The following BRSK2 variants were observed in gnomAD, a reference collection of about 807,000 sequenced individuals.
The protein encoded by BRSK2 is serine/threonine-protein kinase BRSK2.
In BRSK2, 19 loss-of-function variants were observed where a neutral mutation model predicts 83.3. The observed-to-expected ratio is 0.23, with a 90% confidence interval of 0.16 to 0.33. BRSK2 has a LOEUF of 0.33. BRSK2 is among the 10% of genes least tolerant of loss of function. The pLI is 1.00. For missense variants in BRSK2, 798 were observed against 1,042.3 expected, an observed-to-expected ratio of 0.77 and a Z score of 3.23; for synonymous variants, 519 against 435.4, an observed-to-expected ratio of 1.19 and a Z score of -2.39.
intron 12 of BRSK2, among the ~76,000 whole-genome samples, chr11:1,448,158 C>T (rs1852425007): frequency 6.6e-6 from 1 of 152,188 alleles, no homozygotes. Context: ...CTGCCAGCCC[C>T]TGTGCTGTGT....
intron 1 of BRSK2, among the ~76,000 whole-genome samples, chr11:1,397,154 G>A (rs1319594741): frequency 1.3e-5 from 2 of 152,198 alleles, no homozygotes; most frequent in Non-Finnish European, 2.9e-5. Flanking sequence ...CCTGTGTCAG[G>A]CCCAAGCCCC....
chr11:1,454,581 G>A lies in BRSK2; in HGVS notation c.1641G>A (p.Lys547=). 6.2e-7 allele frequency: 1 copy of A among 1,613,218 alleles called. No individual in the cohort carries two copies. The highest frequency in any genetic ancestry group is 8.5e-7 in the Non-Finnish European group (1 of 1,179,954). ...AAGACAAACCTCTGAGCTCCATCAAGGCTGACATCGTGCACGCCTTCCTGT... is the reference window on the plus strand; with the variant it reads ...AAGACAAACCTCTGAGCTCCATCAAAGCTGACATCGTGCACGCCTTCCTGT... ...VIKDKPLSSI[K]ADIVHAFLSI... The change falls in exon 16 of 20, where the codon AAG becomes AAA. Residue 547 remains lysine (K), a synonymous_variant. Coordinates refer to ENST00000528841, the MANE Select transcript of BRSK2 (RefSeq NM_001256627.2). The surrounding 1 kb of genome is among the most constrained non-coding windows in gnomAD (Gnocchi z 5.2).
At chr11:1,398,252 C>T (rs935458203) in intron 1 of BRSK2, among the ~76,000 whole-genome samples, 3 of 152,208 alleles carry the variant, frequency 2.0e-5, no homozygotes, top group African/African-American at 7.2e-5. Flanking sequence ...CAGCTAGCAT[C>T]GGGCCTCGTG....
At chr11:1,418,146 C>T (rs1349246377) in intron 1 of BRSK2, among the ~76,000 whole-genome samples, 2 of 134,426 alleles carry the variant, frequency 1.5e-5, no homozygotes, top group African/African-American at 5.7e-5. Context: ...GTGGGTCACA[C>T]TGTGTCCTGC....
chr11:1,416,753 C>T (rs756596517), intron 1 of BRSK2, among the ~76,000 whole-genome samples: 53 of 152,248 alleles, frequency 3.5e-4, no homozygotes, highest in Admixed American at 1.5e-3. Context: ...CAGTGACCCA[C>T]CTTGGTGTGT....
chr11:1,447,999 A>AGCCAGGCAAGGGCCCGCGG (rs1316436483), intron 12 of BRSK2: 2 of 909,290 alleles, frequency 2.2e-6, no homozygotes, highest in African/African-American at 1.7e-5. Context: ...CCAGCCAGCA[A>AGCCAGGCAAGGGCCCGCGG]GCCAGGCAAG....
chr11:1,460,738 C>CA lies in BRSK2; in HGVS notation c.*15_*16insA. 5 of 1,408,146 alleles carry CA rather than the reference C, an allele frequency of 3.6e-6. No individual in the cohort carries two copies. The highest frequency in any genetic ancestry group is 1.5e-5 in the African/African-American group (1 of 66,862). The allele number at this position is 1,408,146 out of a possible 1,614,324, so 87.2% of individuals were successfully genotyped here. On this transcript the variant is annotated 3_prime_UTR_variant, in exon 20 of 20. Coordinates refer to ENST00000528841, the MANE Select transcript of BRSK2 (RefSeq NM_001256627.2). The stretch of plus-strand genomic sequence containing the variant: ...AGCAGCCTTAGACACACTAGCCCCC[C>CA]CCCCCAGCACAGCACTGACAGCGGC...
chr11:1,397,018 A>C (rs949582284), intron 1 of BRSK2, among the ~76,000 whole-genome samples: 1 of 152,242 alleles, frequency 6.6e-6, no homozygotes, highest in African/African-American at 2.4e-5. Flanking sequence ...GCAGACCAGC[A>C]TCTGTCAGGC....
chr11:1,436,616 T>G (rs1259637965), intron 2 of BRSK2, among the ~76,000 whole-genome samples: 1 of 152,048 alleles, frequency 6.6e-6, no homozygotes, highest in Non-Finnish European at 1.5e-5. Context: ...GTGGAGGGTT[T>G]CTGGGCTGTG....
chr11:1,402,489 C>A (rs1846546891), intron 1 of BRSK2, among the ~76,000 whole-genome samples: 2 of 152,206 alleles, frequency 1.3e-5, no homozygotes, highest in African/African-American at 4.8e-5. Flanking sequence ...AGGAGCATTG[C>A]AAAGGGTGGG....
intron 2 of BRSK2, 27 bp downstream of exon 2, chr11:1,436,161 G>A (rs1177401400): frequency 4.3e-6 from 2 of 463,052 alleles, no homozygotes; most frequent in Admixed American, 8.0e-5. Context: ...AGGGAGGCGG[G>A]GCCGGCGGTG....
intron 1 of BRSK2, among the ~76,000 whole-genome samples, chr11:1,415,502 G>A (rs939200382): frequency 2.0e-5 from 3 of 152,158 alleles, no homozygotes; most frequent in African/African-American, 7.2e-5. Flanking sequence ...CTGCAGCCTT[G>A]GCCTCCCAAC....
intron 14 of BRSK2, among the ~76,000 whole-genome samples, 183 bp from the exon 15 acceptor site, chr11:1,451,188 G>A (rs1189229578): frequency 6.6e-6 from 1 of 152,182 alleles, no homozygotes; most frequent in East Asian, 1.9e-4. Context: ...TAGCCTGGGG[G>A]GCGCCACTGC....
chr11:1,399,540 T>C (rs1846337157), intron 1 of BRSK2, among the ~76,000 whole-genome samples: 1 of 152,048 alleles, frequency 6.6e-6, no homozygotes, highest in African/African-American at 2.4e-5. Context: ...GTGATAGGGA[T>C]TGTGGCAAGG....
Position 1,440,875 on chromosome 11 carries a change from G to C in BRSK2, c.360G>C (p.Lys120Asn). ...KGRLTPKEAR[K>N]FFRQIISALD... ...GGCTGACGCCTAAGGAGGCTCGGAA[G>C]TTCTTCCGGCAGATCATCTCTGCGC... Residue 120 changes from lysine to asparagine, a missense_variant, in exon 4 of 20, where the codon AAG (lysine) becomes AAC (asparagine). By Grantham distance (94) the Lys-to-Asn change is moderately conservative. This residue lies in a region of BRSK2 where 109 missense variants were observed against 259.2 expected (regional missense o/e 0.42). Coordinates refer to ENST00000528841, the MANE Select transcript of BRSK2 (RefSeq NM_001256627.2). 6.2e-7 allele frequency: 1 copy of C among 1,609,392 alleles called. No individual in the cohort carries two copies. Among genetic ancestry groups the C allele is most frequent in the Non-Finnish European group, 8.5e-7 (1 of 1,178,420 alleles).
In BRSK2 at chr11:1,411,212, C is replaced by T. The variant is rs1590359785; in HGVS notation, c.91+20837C>T. ...TGAGCCAGCCTTGCTGAGGGGAGAG[C>T]GGGTTCTGGACGTGCTCTGAGCTTC... On this transcript the variant is annotated intron_variant, in intron 1 of 19. Transcript: ENST00000528841. The T allele has an allele frequency of 4.0e-6, 5 of 1,244,774 alleles. No individual in the cohort carries two copies. In the East Asian group the frequency reaches 9.5e-5, roughly 24 times the overall value. 77.1% of individuals were successfully genotyped at this position (1,244,774 alleles called of 1,614,324 possible).
At chr11:1,444,070 A>G (rs1851700295) in intron 8 of BRSK2, among the ~76,000 whole-genome samples, 1 of 151,580 alleles carries the variant, frequency 6.6e-6, no homozygotes, top group Admixed American at 6.6e-5. Flanking sequence ...GAGCACTTGT[A>G]CCAGTGTGGG....
chr11:1,412,917 G>A (rs576569444), intron 1 of BRSK2, among the ~76,000 whole-genome samples: 298 of 152,276 alleles, frequency 2.0e-3, no homozygotes, highest in Non-Finnish European at 2.5e-3. Flanking sequence ...CATGGGACGG[G>A]ACCGCCCATG....
intron 1 of BRSK2, among the ~76,000 whole-genome samples, chr11:1,435,059 C>T (rs946520765): frequency 1.3e-5 from 2 of 151,484 alleles, no homozygotes; most frequent in East Asian, 2.0e-4. Flanking sequence ...CCCAGAGCAC[C>T]CTGCCTGCCT....
Sources: gnomAD v4.1 joint callset for allele counts (sites outside exome capture counted in the v4.1 genomes callset) on GRCh38, gnomAD v4.1.1 for gene constraint, gnomAD v4.1.1 regional missense constraint, Gnocchi (gnomAD v3.1) non-coding constraint, MANE v1.5 for transcripts, NCBI Gene and HGNC (gene_info 2026-07-23, HGNC 2026-07-21) for gene names.